Variants in SKAP2 observed in about 807,000 individuals in gnomAD.
The protein encoded by SKAP2 is src kinase associated phosphoprotein 2.
In SKAP2, 28 loss-of-function variants were observed where a neutral mutation model predicts 54.9. The ratio of observed to expected loss-of-function variants is 0.51; its 90% CI spans 0.38 to 0.70. The LOEUF is 0.70. Ranked by LOEUF, SKAP2 falls within the 30% of genes least tolerant of loss-of-function variation. The pLI is 0.00. For synonymous variants in SKAP2, 137 were observed against 134.3 expected (o/e 1.02, Z -0.14); for missense variants, 356 against 424.1 (o/e 0.84, Z 1.41).
chr7:26,680,272 G>C (rs759404535), intron 11 of SKAP2, among the ~76,000 whole-genome samples: 3 of 152,086 alleles, frequency 2.0e-5, no homozygotes, highest in African/African-American at 4.8e-5. Context: ...AGGCATTTGG[G>C]ACCTCAGAAT....
intron 4 of SKAP2, among the ~76,000 whole-genome samples, chr7:26,792,393 G>A (rs994948755): frequency 3.3e-5 from 5 of 152,268 alleles, no homozygotes; most frequent in Admixed American, 2.6e-4. Context: ...AGGACAGTGA[G>A]AAAAGATCTT....
intron 1 of SKAP2, among the ~76,000 whole-genome samples, chr7:26,861,615 CTTTT>C (rs34331819): frequency 4.8e-4 from 56 of 116,116 alleles, no homozygotes; most frequent in South Asian, 1.1e-3. Flanking sequence ...ATAACAACCT[CTTTT>C]TTTTTTTTTT....
intron 4 of SKAP2, among the ~76,000 whole-genome samples, chr7:26,783,372 G>A (rs1255392347): frequency 6.6e-6 from 1 of 151,886 alleles, no homozygotes; most frequent in Non-Finnish European, 1.5e-5. Flanking sequence ...GGAGAAAAAT[G>A]TGACTCCCCT....
chr7:26,727,104 T>A, intron 6 of SKAP2, 98 bp from the exon 7 acceptor site: 1 of 1,004,934 alleles, frequency 1.0e-6, no homozygotes. Context: ...GAAATAACAT[T>A]TTTTGGTCAT....
intron 1 of SKAP2, among the ~76,000 whole-genome samples, chr7:26,856,398 TA>T (rs200738088): frequency 3.3e-5 from 5 of 151,620 alleles, no homozygotes; most frequent in African/African-American, 7.3e-5. Flanking sequence ...ACTAATGTGT[TA>T]AAAAAAAGTA....
chr7:26,819,722 T>C (rs151201650), intron 4 of SKAP2, among the ~76,000 whole-genome samples: 2 of 152,308 alleles, frequency 1.3e-5, no homozygotes, highest in East Asian at 3.9e-4. Context: ...TATCTGTATG[T>C]TTGATAATAT....
intron 11 of SKAP2, among the ~76,000 whole-genome samples, chr7:26,676,270 T>G (rs898860960): frequency 8.5e-5 from 13 of 152,198 alleles, no homozygotes; most frequent in African/African-American, 2.9e-4. Context: ...AGGCCAGATA[T>G]TCAGGGCAGA....
chr7:26,812,316 TTATGTC>T (rs942093155), intron 4 of SKAP2, among the ~76,000 whole-genome samples: 2 of 152,142 alleles, frequency 1.3e-5, no homozygotes, highest in African/African-American at 4.8e-5. Context: ...CATATACACT[TTATGTC>T]TATGTTAATG....
intron 4 of SKAP2, among the ~76,000 whole-genome samples, chr7:26,798,613 G>T (rs563288759): frequency 1.3e-5 from 2 of 152,234 alleles, no homozygotes; most frequent in South Asian, 4.1e-4. Flanking sequence ...GAAAAACACA[G>T]AATAGTATCA....
At chr7:26,665,015 A>T (rs1177782254), downstream of SKAP2, among the ~76,000 whole-genome samples, 3 of 152,172 alleles carry the variant, frequency 2.0e-5, no homozygotes, top group Non-Finnish European at 4.4e-5. Flanking sequence ...ATAAACAGGG[A>T]GTAAAAGTTA....
chr7:26,741,837 A>G (rs1001740591), intron 4 of SKAP2, among the ~76,000 whole-genome samples: 1 of 151,746 alleles, frequency 6.6e-6, no homozygotes, highest in African/African-American at 2.4e-5. Flanking sequence ...TTTTTTTAAT[A>G]CCATGGGGAT....
At chr7:26,742,132 C>A (rs1404076741) in intron 4 of SKAP2, among the ~76,000 whole-genome samples, 1 of 151,834 alleles carries the variant, frequency 6.6e-6, no homozygotes, top group African/African-American at 2.4e-5. Flanking sequence ...GTACATAAAA[C>A]AAAAATTACA....
intron 4 of SKAP2, among the ~76,000 whole-genome samples, chr7:26,792,852 A>G (rs1304425865): frequency 6.6e-6 from 1 of 152,222 alleles, no homozygotes; most frequent in African/African-American, 2.4e-5. Flanking sequence ...ACAGAAGGCA[A>G]TCTAAGAATG....
intron 4 of SKAP2, among the ~76,000 whole-genome samples, chr7:26,753,085 TCTTA>T (rs1782719947): frequency 6.6e-6 from 1 of 152,340 alleles, no homozygotes; most frequent in South Asian, 2.1e-4. Context: ...CAGTTTTTCT[TCTTA>T]CTATGGAAAT....
chr7:26,855,553 T>G (rs1398802927), intron 1 of SKAP2, among the ~76,000 whole-genome samples: 1 of 152,110 alleles, frequency 6.6e-6, no homozygotes, highest in Non-Finnish European at 1.5e-5. Context: ...CCTGAAATAT[T>G]TCTTAAGGAA....
chr7:26,665,795 A>G (rs1268456465), downstream of SKAP2, among the ~76,000 whole-genome samples: 1 of 152,168 alleles, frequency 6.6e-6, no homozygotes, highest in East Asian at 1.9e-4. Context: ...TAAACTGGCT[A>G]AAGCTGAGAT....
intron 9 of SKAP2, among the ~76,000 whole-genome samples, chr7:26,703,119 G>A (rs1206594551): frequency 3.9e-5 from 6 of 152,318 alleles, no homozygotes; most frequent in East Asian, 3.9e-4. Context: ...GCTCAGAGCC[G>A]TATCTTCGAA....
chr7:26,725,682 T>C, intron 8 of SKAP2, 117 bp from the exon 9 acceptor site: 6 of 1,051,106 alleles, frequency 5.7e-6, no homozygotes, highest in Non-Finnish European at 8.0e-6. Context: ...ATATGTTATG[T>C]CCTTAACTAA....
chr7:26,655,287 C>G, the SKAP2 span, among the ~76,000 whole-genome samples: 2 of 152,130 alleles, frequency 1.3e-5, no homozygotes, highest in Admixed American at 1.3e-4. Flanking sequence ...GTACAGTAAC[C>G]ACTCCAAGTC....
Sources: allele counts gnomAD v4.1 joint callset (sites outside exome capture counted in the v4.1 genomes callset), GRCh38; gene constraint gnomAD v4.1.1; transcripts MANE v1.5; gene names NCBI Gene and HGNC (gene_info 2026-07-23, HGNC 2026-07-21).